ARFGEF3: variants seen among roughly 807,000 people sequenced by gnomAD.
The protein encoded by ARFGEF3 is ARFGEF family member 3, also known as brefeldin A-inhibited guanine nucleotide-exchange protein 3.
In ARFGEF3, 96 loss-of-function variants were observed where a neutral mutation model predicts 221.7. That is an observed-to-expected ratio of 0.43 (90% CI 0.37 to 0.51). The LOEUF (loss-of-function observed/expected upper bound fraction) is 0.51. ARFGEF3 is among the 20% of genes least tolerant of loss of function. The pLI is 0.00. For missense variants in ARFGEF3, 2,410 were observed against 2,789.9 expected (o/e 0.86, Z 3.07); for synonymous variants, 1,145 against 1,126.8 (o/e 1.02, Z -0.32).
intron 5 of ARFGEF3, among the ~76,000 whole-genome samples, chr6:138,231,266 A>G (rs891354943): frequency 5.3e-5 from 8 of 152,352 alleles, no homozygotes; most frequent in African/African-American, 1.9e-4. Flanking sequence ...CCGTCCAGAT[A>G]GGATGCAACA....
At chr6:138,171,164 T>C (rs1419918775) in intron 2 of ARFGEF3, among the ~76,000 whole-genome samples, 3 of 151,836 alleles carry the variant, frequency 2.0e-5, no homozygotes, top group East Asian at 3.9e-4. Flanking sequence ...GTTCATATGA[T>C]AGCATAGCAT....
rs1780333654 is a variant in ARFGEF3, at chr6:138,336,752, T to A, written c.*266T>A. On this transcript the variant is annotated 3_prime_UTR_variant, in exon 34 of 34. Transcript: ENST00000251691. ...TAATCCTTGATATGTTTCTAACTCT[T>A]GAAGTATATTTCCCAGTGCTTTTGC... 3.8e-6 allele frequency: 1 copy of A among 263,976 alleles called. No homozygotes were observed. The highest frequency in any genetic ancestry group is 7.1e-6 in the Non-Finnish European group (1 of 141,602). The allele number at this position is 263,976 out of a possible 1,614,324, so 16.4% of individuals were successfully genotyped here. A position where few individuals can be genotyped will look rare whatever the true frequency, so the allele number is the denominator to read the frequency against.
intron 32 of ARFGEF3, among the ~76,000 whole-genome samples, chr6:138,330,945 A>G (rs1345000301): frequency 6.6e-6 from 1 of 152,222 alleles, no homozygotes; most frequent in Non-Finnish European, 1.5e-5. Flanking sequence ...AATCTATTTT[A>G]TATACCAAAG....
At chr6:138,303,380 T>G (rs1779660473) in intron 22 of ARFGEF3, among the ~76,000 whole-genome samples, 1 of 152,198 alleles carries the variant, frequency 6.6e-6, no homozygotes, top group South Asian at 2.1e-4. Context: ...AAATGCCAGA[T>G]GTAAATAGAA....
At chr6:138,193,337 C>T (rs1412403499) in intron 2 of ARFGEF3, among the ~76,000 whole-genome samples, 1 of 152,194 alleles carries the variant, frequency 6.6e-6, no homozygotes, top group Non-Finnish European at 1.5e-5. Flanking sequence ...ATCTCTCCCA[C>T]TCTCATTATA....
intron 1 of ARFGEF3, among the ~76,000 whole-genome samples, chr6:138,164,641 C>A (rs1336239400): frequency 1.3e-5 from 2 of 152,166 alleles, no homozygotes; most frequent in Non-Finnish European, 2.9e-5. Flanking sequence ...TTAAGCTGAG[C>A]TATACAAAAC....
intron 2 of ARFGEF3, among the ~76,000 whole-genome samples, chr6:138,205,378 A>G (rs886557372): frequency 2.6e-5 from 4 of 152,152 alleles, no homozygotes; most frequent in Non-Finnish European, 5.9e-5. Context: ...GTTCTTTCAC[A>G]GTGGATTAAT....
In ARFGEF3 at chr6:138,263,211, C is replaced by A; in HGVS notation, c.1728C>A (p.Asn576Lys). 6.2e-7 allele frequency: 1 copy of A among 1,614,034 alleles called. No individual in the cohort carries two copies. The highest frequency in any genetic ancestry group is 1.1e-5 in the South Asian group (1 of 91,086). Residue 576 changes from asparagine to lysine, a missense_variant, in exon 12 of 34, where the codon AAC (asparagine) becomes AAA (lysine). By Grantham distance (94) the Asn-to-Lys change is moderately conservative. Coordinates refer to ENST00000251691, the MANE Select transcript of ARFGEF3 (RefSeq NM_020340.5). ...CGGTCCCTTACCCTGACATAACTAACTTCCTGTCAGTAGACTGCAGGACAA... is the reference window on the plus strand; with the variant it reads ...CGGTCCCTTACCCTGACATAACTAAATTCCTGTCAGTAGACTGCAGGACAA... ...SHTVPYPDIT[N>K]FLSVDCRTRS...
intron 3 of ARFGEF3, 147 bp from the exon 4 acceptor site, chr6:138,209,763 C>A: frequency 1.0e-6 from 1 of 966,752 alleles, no homozygotes; most frequent in Non-Finnish European, 1.5e-6. Context: ...TTCTTTTTAA[C>A]GGCACATAGC....
intron 2 of ARFGEF3, among the ~76,000 whole-genome samples, chr6:138,187,610 C>T (rs1444634556): frequency 1.3e-5 from 2 of 152,190 alleles, no homozygotes; most frequent in Non-Finnish European, 2.9e-5. Context: ...CTGGTATGGC[C>T]ATGAAGAGTG....
At position 138,311,426 on chromosome 6, in the gene ARFGEF3, G is replaced by A; in HGVS notation, c.4116G>A (p.Glu1372=). 3 of 1,608,014 alleles carry A rather than the reference G, an allele frequency of 1.9e-6. No homozygotes were observed. The highest frequency in any genetic ancestry group is 1.7e-4 in the Middle Eastern group (1 of 6,054). The change falls in exon 25 of 34, where the codon GAG becomes GAA. Residue 1372 remains glutamate, a synonymous_variant. Coordinates refer to ENST00000251691, the MANE Select transcript of ARFGEF3 (RefSeq NM_020340.5). ...VKGLGEVDCK[E]IGDCAPAPGA... The stretch of plus-strand genomic sequence containing the variant: ...CCCTAGGGGAGGTGGACTGTAAAGA[G>A]ATTGGAGACTGTGCCCCAGCACCCG...
chr6:138,217,649 G>A (rs1001295795), intron 4 of ARFGEF3: 5 of 216,146 alleles, frequency 2.3e-5, no homozygotes, highest in South Asian at 1.2e-4. Flanking sequence ...GGTGCCTAGC[G>A]GAGCATCTGG....
chr6:138,165,418 G>C (rs1206335343), intron 1 of ARFGEF3, among the ~76,000 whole-genome samples: 1 of 151,568 alleles, frequency 6.6e-6, no homozygotes, highest in East Asian at 2.0e-4. Flanking sequence ...GGGAGAGAGG[G>C]GTCATCCTCA....
At chr6:138,227,137 G>A (rs539180778) in intron 4 of ARFGEF3, among the ~76,000 whole-genome samples, 6 of 151,948 alleles carry the variant, frequency 3.9e-5, no homozygotes, top group African/African-American at 1.2e-4. Context: ...TTGTGAACAT[G>A]GTCAGCATTG....
Position 138,207,042 on chromosome 6 carries a change from G to C in ARFGEF3, c.138G>C (p.Arg46Ser), listed in dbSNP as rs201019259. 11 of 1,607,196 alleles carry C rather than the reference G, an allele frequency of 6.8e-6. No individual in the cohort carries two copies. Among genetic ancestry groups the C allele is most frequent in the Non-Finnish European group, 9.3e-6 (11 of 1,176,836 alleles). ...TIVKIPPHVL[R>S]EKCLLPLQLA... The stretch of plus-strand genomic sequence containing the variant: ...TTGTCCTTATTTTTGTGTTTGCCAG[G>C]GAGAAATGCCTGCTGCCTCTCCAGT... The change falls in exon 3 of 34, where the codon AGG becomes AGC. Residue 46 changes from arginine (R) to serine (S), a missense_variant and splice_region_variant. By Grantham distance (110) the Arg-to-Ser change is moderately radical (BLOSUM62 -1). Around this residue, in one of 5 missense-constraint regions of ARFGEF3, gnomAD observed 570 missense variants for 586.9 expected, o/e 0.97. Transcript: ENST00000251691.
chr6:138,336,203 A>AAAAACCATTTCCACATTGGCAGG (rs1443013985), intron 33 of ARFGEF3, 92 bp from the exon 34 acceptor site: 2 of 1,012,658 alleles, frequency 2.0e-6, no homozygotes, highest in Non-Finnish European at 2.8e-6. Context: ...AAGCCTGGAA[A>AAAAACCATTTCCACATTGGCAGG]AAAACCATTT....
chr6:138,164,919 A>T (rs1323940785), intron 1 of ARFGEF3, among the ~76,000 whole-genome samples: 2 of 152,146 alleles, frequency 1.3e-5, no homozygotes, highest in Non-Finnish European at 2.9e-5. Context: ...TACTTAGGTC[A>T]TCATGGGAAA....
chr6:138,245,466 G>T (rs375998882), intron 7 of ARFGEF3, 47 bp from the exon 8 acceptor site: 1 of 1,341,064 alleles, frequency 7.5e-7, no homozygotes, highest in African/African-American at 1.4e-5. Context: ...GGAGCTCGTC[G>T]TGCCCCCTGT....
intron 2 of ARFGEF3, among the ~76,000 whole-genome samples, chr6:138,181,256 T>C (rs1777074590): frequency 6.6e-6 from 1 of 152,196 alleles, no homozygotes; most frequent in African/African-American, 2.4e-5. Flanking sequence ...TAGGGGATGT[T>C]GACTTGAGTG....
Sources: allele counts gnomAD v4.1 joint callset (sites outside exome capture counted in the v4.1 genomes callset), GRCh38; gene constraint gnomAD v4.1.1; regional missense constraint gnomAD v4.1.1; transcripts MANE v1.5; gene names NCBI Gene and HGNC (gene_info 2026-07-23, HGNC 2026-07-21).